Variants in NOL10 observed in about 807,000 individuals in gnomAD.
NOL10 encodes the protein H_NH0074G24.1.
Under a neutral mutation model 103.5 loss-of-function variants are expected in NOL10, and 58 were observed. The observed-to-expected ratio is 0.56, with a 90% CI of 0.45 to 0.70. NOL10 has a LOEUF of 0.70. Ranked by LOEUF, NOL10 falls within the 30% of genes least tolerant of loss-of-function variation. The pLI, the probability that NOL10 is intolerant of heterozygous loss-of-function variation, is 0.00. For missense variants in NOL10, 763 were observed against 807.3 expected (o/e 0.95, Z 0.67); for synonymous variants, 287 against 282.5 (o/e 1.02, Z -0.16).
In NOL10 at chr2:10,600,818, C is replaced by A. The variant is rs770432540; in HGVS notation, c.1422+35G>T. ...AAGATGTAAGTTACTATCAACAAAA[C>A]GCAGAAACAATTTGCCGATACTTTT... On this transcript the variant is annotated intron_variant, in intron 17 of 20. Transcript: ENST00000381685. The A allele has an allele frequency of 2.2e-6, 3 of 1,345,370 alleles. No individual in the cohort carries two copies. The East Asian group carries it at 7.6e-5, about 34-fold the overall frequency. The allele number at this position is 1,345,370 out of a possible 1,614,324, so 83.3% of individuals were successfully genotyped here. A position where few individuals can be genotyped will look rare whatever the true frequency, so the allele number is the denominator to read the frequency against.
chr2:10,639,047 C>T (rs1184953490), intron 13 of NOL10, among the ~76,000 whole-genome samples: 3 of 151,610 alleles, frequency 2.0e-5, no homozygotes, highest in African/African-American at 7.3e-5. Flanking sequence ...AAGTGATCTG[C>T]CCATCTCAGC....
At chr2:10,658,550 G>A (rs1456217191) in intron 10 of NOL10, among the ~76,000 whole-genome samples, 3 of 151,874 alleles carry the variant, frequency 2.0e-5, no homozygotes, top group Non-Finnish European at 4.4e-5. Context: ...CATGGCATGT[G>A]CTATAGTTAA....
Position 10,587,158 on chromosome 2 carries a change from C to CATATATACACATATATATACATATATAT in NOL10, c.1844+1884_1844+1885insATATATATGTATATATATGTGTATATAT, listed in dbSNP as rs1416086112. 3.3e-4 allele frequency among the ~76,000 whole-genome samples: 11 copies of CATATATACACATATATATACATATATAT among 33,184 alleles called. 5 individuals are homozygous for CATATATACACATATATATACATATATAT. Among genetic ancestry groups the CATATATACACATATATATACATATATAT allele is most frequent in the African/African-American group, 2.0e-3 (11 of 5,612 alleles). 21.8% of individuals were successfully genotyped at this position (33,184 alleles called of 152,430 possible). On this transcript the variant is annotated intron_variant, in intron 19 of 20. Coordinates refer to ENST00000381685, the MANE Select transcript of NOL10 (RefSeq NM_024894.4). ...ATATACACATATATATACATATATA[C>CATATATACACATATATATACATATATAT]ACATATATACACATATATATACACA... is the stretch of plus-strand genomic sequence containing the variant.
chr2:10,656,712 C>A (rs547195611), intron 11 of NOL10, among the ~76,000 whole-genome samples: 3 of 152,348 alleles, frequency 2.0e-5, no homozygotes, highest in Non-Finnish European at 4.4e-5. Flanking sequence ...CGCTTAGGCA[C>A]GAACTGCTCA....
intron 10 of NOL10, among the ~76,000 whole-genome samples, 176 bp downstream of exon 10, chr2:10,658,996 C>T (rs944024906): frequency 6.6e-6 from 1 of 152,160 alleles, no homozygotes; most frequent in Non-Finnish European, 1.5e-5. Context: ...GCAGACTGAC[C>T]AAGGCAAGAG....
In NOL10 at chr2:10,671,444, CTTT is replaced by C. The variant is rs1202652854; in HGVS notation, c.464+107_464+109del. On this transcript the variant is annotated intron_variant, in intron 6 of 20. Transcript: ENST00000381685. ...TTTTTTTTACAAGAGCCACGTATCA[CTTT>C]TTTATTAAAGCAAGTTACCTAAACA... The C allele has an allele frequency of 8.4e-6, 5 of 593,598 alleles. No homozygotes were observed. The East Asian group carries it at 2.4e-4, about 29-fold the overall frequency. The allele number at this position is 593,598 out of a possible 1,614,324, so 36.8% of individuals were successfully genotyped here. A position where few individuals can be genotyped will look rare whatever the true frequency, so the allele number is the denominator to read the frequency against.
chr2:10,645,504 T>C (rs1678995715), intron 12 of NOL10, among the ~76,000 whole-genome samples: 1 of 151,826 alleles, frequency 6.6e-6, no homozygotes, highest in South Asian at 2.1e-4. Flanking sequence ...TAGAGTCAAT[T>C]ACCACTCAAG....
Position 10,668,695 on chromosome 2 carries a change from G to A in NOL10, c.493C>T (p.Gln165Ter). The A allele has an allele frequency of 6.5e-7, 1 of 1,543,254 alleles. No individual in the cohort carries two copies. Among genetic ancestry groups the A allele is most frequent in the Non-Finnish European group, 8.8e-7 (1 of 1,133,964 alleles). Residue 165 changes from glutamine to a stop codon, truncating the protein, a stop_gained, in exon 7 of 21, where the codon CAA becomes TAA. Transcript: ENST00000381685. LOFTEE classifies it high-confidence loss of function. ...TGTAGAGGATTCAGGTATCGTCCTT[G>A]TTCTAAGTTTAACCTATAAACTTCA... ...SSEVYRLNLEQGRYLNPLQTD... is the reference protein window; with the variant it reads ...SSEVYRLNLE
At chr2:10,579,575 T>TC (rs56309109) in intron 19 of NOL10, among the ~76,000 whole-genome samples, 152 of 130,650 alleles carry the variant, frequency 1.2e-3, no homozygotes, top group Middle Eastern at 3.9e-3. Flanking sequence ...TTTTTTTTTT[T>TC]CCGAACAATT....
chr2:10,587,138 C>CATATATATAT (rs1553296146), intron 19 of NOL10, among the ~76,000 whole-genome samples: 3 of 15,826 alleles, frequency 1.9e-4, no homozygotes, highest in African/African-American at 1.0e-3. Context: ...TACATATATA[C>CATATATATAT]ACATATATAT....
rs965487835 is a variant in NOL10, at chr2:10,659,347, G to A, written c.678-97C>T. ...GTCTTCACTTCAAATCTAATGGGGG[G>A]GGGGGGGAGGAATCACATTTCTAGG... On this transcript the variant is annotated intron_variant, in intron 9 of 20. Transcript: ENST00000381685. 1.2e-4 allele frequency: 61 copies of A among 488,480 alleles called. 5 individuals are homozygous for A. Among genetic ancestry groups the A allele is most frequent in the African/African-American group, 9.7e-4 (46 of 47,488 alleles). The allele number at this position is 488,480 out of a possible 1,614,324, so 30.3% of individuals were successfully genotyped here.
At chr2:10,575,890 C>G (rs2148138340) in intron 20 of NOL10, among the ~76,000 whole-genome samples, 1 of 152,312 alleles carries the variant, frequency 6.6e-6, no homozygotes, top group East Asian at 1.9e-4. Context: ...TGAGGTCCCT[C>G]TGAATGTGTA....
At chr2:10,592,423 G>C (rs1675436374) in intron 17 of NOL10, among the ~76,000 whole-genome samples, 1 of 152,162 alleles carries the variant, frequency 6.6e-6, no homozygotes, top group African/African-American at 2.4e-5. Flanking sequence ...CTGTGGCACA[G>C]GGAGAAGAGC....
rs1364522532 is a variant in NOL10 at position 10,589,741 on chromosome 2, T to C, written c.1433A>G (p.Asn478Ser). The C allele has an allele frequency of 3.9e-6, 6 of 1,527,556 alleles. No homozygotes were observed. The allele number at this position is 1,527,556 out of a possible 1,614,324, so 94.6% of individuals were successfully genotyped here. The change falls in exon 18 of 21, where the codon AAT (asparagine) becomes AGT (serine). Residue 478 changes from asparagine to serine, a missense_variant. Physicochemically the swap from Asn to Ser is conservative, Grantham distance 46. Transcript: ENST00000381685. ...TTTAAATCGATCATCGGTGAGAATA[T>C]TAGGAAGACTCTACAAGGAGGAAAA... ...TWKKKVKSLP[N>S]ILTDDRFKVM...
At chr2:10,684,186 G>T (rs1010928445) in intron 2 of NOL10, among the ~76,000 whole-genome samples, 7 of 151,500 alleles carry the variant, frequency 4.6e-5, no homozygotes, top group Non-Finnish European at 2.9e-5. Flanking sequence ...TGAGGCAGGA[G>T]AACTGCTTGA....
chr2:10,648,873 T>C (rs1173359925), intron 12 of NOL10, among the ~76,000 whole-genome samples: 3 of 152,066 alleles, frequency 2.0e-5, no homozygotes, highest in Admixed American at 1.3e-4. Context: ...TGTGGGGGAC[T>C]ATACTGGATT....
At chr2:10,682,638 A>T (rs145203626) in intron 2 of NOL10, among the ~76,000 whole-genome samples, 74 of 151,854 alleles carry the variant, frequency 4.9e-4, no homozygotes, top group African/African-American at 1.8e-3. Context: ...AGGGCCAAGC[A>T]ATCCTCACAC....
At chr2:10,689,704 A>G in intron 1 of NOL10, 92 bp downstream of exon 1, 1 of 1,317,308 alleles carries the variant, frequency 7.6e-7, no homozygotes, top group Non-Finnish European at 1.1e-6. Context: ...GTCCAGCTAA[A>G]ACAGAGGCTA....
At chr2:10,683,449 T>C (rs970723647) in intron 2 of NOL10, among the ~76,000 whole-genome samples, 23 of 152,136 alleles carry the variant, frequency 1.5e-4, no homozygotes, top group African/African-American at 5.3e-4. Context: ...CACTGATAAA[T>C]GGATTTAATT....
Sources: gnomAD v4.1 joint callset for allele counts (sites outside exome capture counted in the v4.1 genomes callset) on GRCh38, gnomAD v4.1.1 for gene constraint, MANE v1.5 for transcripts, NCBI Gene and HGNC (gene_info 2026-07-23, HGNC 2026-07-21) for gene names.